CFTR: variants seen among roughly 807,000 people sequenced by gnomAD.
CFTR encodes CF transmembrane conductance regulator.
In CFTR, 181 loss-of-function variants were observed where a neutral mutation model predicts 171.6. That is an observed-to-expected ratio of 1.05 (90% CI 0.93 to 1.19). The LOEUF is 1.19. CFTR is among the 50% of genes most tolerant of loss of function. The pLI is 0.00. For synonymous variants in CFTR, 583 were observed against 608.0 expected, an observed-to-expected ratio of 0.96 and a Z score of 0.60; for missense variants, 1,968 against 1,734.7, an observed-to-expected ratio of 1.13 and a Z score of -2.39.
At chr7:117,491,909 A>G (rs1311799173) in intron 1 of CFTR, among the ~76,000 whole-genome samples, 1 of 152,062 alleles carries the variant, frequency 6.6e-6, no homozygotes, top group Non-Finnish European at 1.5e-5. Context: ...TGAGACCATA[A>G]AGTATATACA....
rs1357732974 is a variant in CFTR at position 117,642,596 on chromosome 7, G to A, written c.3873+3G>A. 2 of 1,613,154 alleles carry A rather than the reference G, an allele frequency of 1.2e-6. No individual in the cohort carries two copies. Among genetic ancestry groups the A allele is most frequent in the Non-Finnish European group, 1.7e-6 (2 of 1,179,468 alleles). ...AAGCCTTTGGAGTGATACCACAGGTGAGCAAAAGGACTTAGCCAGAAAAAA... is the reference window on the plus strand; with the variant it reads ...AAGCCTTTGGAGTGATACCACAGGTAAGCAAAAGGACTTAGCCAGAAAAAA... On this transcript the variant is annotated splice_donor_region_variant and intron_variant, in intron 23 of 26. Transcript: ENST00000003084.
chr7:117,522,094 G>C (rs553570380), intron 3 of CFTR, among the ~76,000 whole-genome samples: 1 of 152,142 alleles, frequency 6.6e-6, no homozygotes, highest in South Asian at 2.1e-4. Flanking sequence ...TCTAAATTGA[G>C]TCACAAAATT....
chr7:117,551,574 C>T (rs1440136226), intron 10 of CFTR, among the ~76,000 whole-genome samples: 1 of 151,950 alleles, frequency 6.6e-6, no homozygotes, highest in Non-Finnish European at 1.5e-5. Context: ...TTTTATATTC[C>T]AAGGACTGTC....
Position 117,559,478 on chromosome 7 carries a change from G to A in CFTR, c.1407G>A (p.Met469Ile), listed in dbSNP as rs143218779. The A allele has an allele frequency of 6.2e-7, 1 of 1,604,422 alleles. No homozygotes were observed. The highest frequency in any genetic ancestry group is 8.5e-7 in the Non-Finnish European group (1 of 1,171,662). The change falls in exon 11 of 27, where the codon ATG (methionine) becomes ATA (isoleucine). Residue 469 changes from methionine (M) to isoleucine (I), a missense_variant. Coordinates refer to ENST00000003084, the MANE Select transcript of CFTR (RefSeq NM_000492.4). ...STGAGKTSLL[M>I]VIMGELEPSE... Reference sequence around the variant, plus strand: ...TTTATTTCCAGACTTCACTTCTAATGGTGATTATGGGAGAACTGGAGCCTT... The same window carrying A: ...TTTATTTCCAGACTTCACTTCTAATAGTGATTATGGGAGAACTGGAGCCTT...
At chr7:117,594,337 CTCTT>C (rs1343468842) in intron 14 of CFTR, among the ~76,000 whole-genome samples, 4 of 152,150 alleles carry the variant, frequency 2.6e-5, no homozygotes. Flanking sequence ...TCTGGAATCT[CTCTT>C]TTTCAAATTT....
chr7:117,487,666 G>T (rs1798095139), intron 1 of CFTR: 1 of 152,110 alleles, frequency 6.6e-6, no homozygotes, highest in Non-Finnish European at 1.5e-5. Flanking sequence ...AATATGCAGA[G>T]TTCTCTTTCT....
chr7:117,549,845 G>A (rs949387928), intron 10 of CFTR, among the ~76,000 whole-genome samples: 3 of 152,086 alleles, frequency 2.0e-5, no homozygotes, highest in African/African-American at 7.2e-5. Flanking sequence ...GTAGGAGGAA[G>A]GAAGGAAGGA....
At chr7:117,563,461 C>A (rs1791549249) in intron 11 of CFTR, among the ~76,000 whole-genome samples, 1 of 151,926 alleles carries the variant, frequency 6.6e-6, no homozygotes, top group African/African-American at 2.4e-5. Context: ...ATCCATCAGA[C>A]AAGGCATCAG....
In CFTR at chr7:117,540,210, T is replaced by G. The variant is rs141115171; in HGVS notation, c.980T>G (p.Leu327Arg). Residue 327 changes from leucine to arginine, a missense_variant, in exon 8 of 27, where the codon CTA (leucine) becomes CGA (arginine). By Grantham distance (102) the Leu-to-Arg change is moderately radical (BLOSUM62 -2). Transcript: ENST00000003084. ...TTTTTATCTGTGCTTCCCTATGCAC[T>G]AATCAAAGGAATCATCCTCCGGAAA... is the stretch of plus-strand genomic sequence containing the variant. ...VVFLSVLPYA[L>R]IKGIILRKIF... 1.4e-5 allele frequency: 23 copies of G among 1,613,960 alleles called. No individual in the cohort carries two copies. Among genetic ancestry groups the G allele is most frequent in the African/African-American group, 2.7e-5 (2 of 74,928 alleles).
At chr7:117,580,358 G>T (rs1243285671) in intron 11 of CFTR, among the ~76,000 whole-genome samples, 1 of 152,014 alleles carries the variant, frequency 6.6e-6, no homozygotes. Flanking sequence ...AAAAATTGAG[G>T]TGTGATTATA....
In CFTR at chr7:117,568,504, G is replaced by A. The variant is rs1395279076; in HGVS notation, c.1584+8849G>A. ...TGGATAATTAGAAGATTGAATGGATGGACTTGGTCACTATTTGGTATAGAA... is the reference window on the plus strand; with the variant it reads ...TGGATAATTAGAAGATTGAATGGATAGACTTGGTCACTATTTGGTATAGAA... On this transcript the variant is annotated intron_variant, in intron 11 of 26. Coordinates refer to ENST00000003084, the MANE Select transcript of CFTR (RefSeq NM_000492.4). 2.0e-5 allele frequency among the ~76,000 whole-genome samples: 3 copies of A among 151,940 alleles called. No individual in the cohort carries two copies. In the East Asian group the frequency reaches 5.8e-4, roughly 29 times the overall value.
intron 7 of CFTR, among the ~76,000 whole-genome samples, chr7:117,537,668 T>C (rs1376305131): frequency 1.3e-5 from 2 of 152,198 alleles, no homozygotes; most frequent in Non-Finnish European, 2.9e-5. Context: ...TATTAAGTCC[T>C]TTGCCATGTA....
intron 21 of CFTR, 107 bp from the exon 22 acceptor site, chr7:117,627,415 C>CA: frequency 8.7e-7 from 1 of 1,154,816 alleles, no homozygotes; most frequent in Non-Finnish European, 1.3e-6. Flanking sequence ...AACCAAGTGA[C>CA]AAATAGCAAG....
chr7:117,622,332 G>A (rs1293054376), intron 21 of CFTR, among the ~76,000 whole-genome samples: 2 of 152,046 alleles, frequency 1.3e-5, no homozygotes, highest in Non-Finnish European at 2.9e-5. Context: ...TTATGTTCAT[G>A]GCCTAAAGAT....
At chr7:117,612,037 A>ATG (rs1792409347) in intron 20 of CFTR, among the ~76,000 whole-genome samples, 1 of 73,382 alleles carries the variant, frequency 1.4e-5, no homozygotes, top group South Asian at 3.9e-4. Context: ...ATATATATAT[A>ATG]TATATATATA....
chr7:117,628,505 GATAAA>G (rs1174106211), intron 22 of CFTR, among the ~76,000 whole-genome samples: 1 of 151,850 alleles, frequency 6.6e-6, no homozygotes, highest in African/African-American at 2.4e-5. Flanking sequence ...ATATTTTTTA[GATAAA>G]ATAAAAGGGA....
At chr7:117,522,503 C>G (rs746139479) in intron 3 of CFTR, among the ~76,000 whole-genome samples, 1 of 152,190 alleles carries the variant, frequency 6.6e-6, no homozygotes, top group Non-Finnish European at 1.5e-5. Context: ...ACGTTGGTAT[C>G]AGGCTTCTTC....
At chr7:117,534,445 G>C in intron 5 of CFTR, 80 bp downstream of exon 5, 1 of 793,138 alleles carries the variant, frequency 1.3e-6, no homozygotes. Flanking sequence ...TCCTGGGTCA[G>C]ATAATAGTAA....
intron 15 of CFTR, among the ~76,000 whole-genome samples, chr7:117,602,266 C>G (rs1385643096): frequency 1.3e-5 from 2 of 152,192 alleles, no homozygotes. Context: ...AAACTCCTGG[C>G]CTCAAGTGAT....
Sources: allele counts gnomAD v4.1 joint callset (sites outside exome capture counted in the v4.1 genomes callset), GRCh38; gene constraint gnomAD v4.1.1; transcripts MANE v1.5; gene names NCBI Gene and HGNC (gene_info 2026-07-23, HGNC 2026-07-21).